The following PGAP2 variants were observed in gnomAD, a reference collection of about 807,000 sequenced individuals.
PGAP2 encodes post-GPI attachment to proteins 2.
In PGAP2, 21 loss-of-function variants were observed where a neutral mutation model predicts 33.2. The observed-to-expected ratio is 0.63, with a 90% CI of 0.45 to 0.91. PGAP2 has a LOEUF of 0.91. Ranked by LOEUF, PGAP2 falls within the 40% of genes least tolerant of loss-of-function variation. The probability of loss-of-function intolerance (pLI) is 0.00; values close to 1 mark genes in which losing one functional copy is unlikely to be tolerated. For synonymous variants in PGAP2, 161 were observed against 172.9 expected, an observed-to-expected ratio of 0.93 and a Z score of 0.54; for missense variants, 345 against 424.0, an observed-to-expected ratio of 0.81 and a Z score of 1.64.
rs1251051975 is a variant in PGAP2, at chr11:3,826,305, G to A, written c.*847G>A. The A allele has an allele frequency of 6.6e-6, 1 of 152,106 alleles. No individual in the cohort carries two copies. Among genetic ancestry groups the A allele is most frequent in the Non-Finnish European group, 1.5e-5 (1 of 68,034 alleles). 9.4% of individuals were successfully genotyped at this position (152,106 alleles called of 1,614,324 possible). A position where few individuals can be genotyped will look rare whatever the true frequency, so the allele number is the denominator to read the frequency against. On this transcript the variant is annotated 3_prime_UTR_variant, in exon 7 of 7. Transcript: ENST00000278243. ...CCTACTGCTCCAAACCCTAAATTTT[G>A]GTTGTACATTTTATTTGAAAGGAAA...
chr11:3,814,922 T>C (rs2086657135), intron 2 of PGAP2, among the ~76,000 whole-genome samples: 1 of 150,806 alleles, frequency 6.6e-6, no homozygotes, highest in African/African-American at 2.4e-5. Context: ...CCCTTTCCCT[T>C]TCCCTTTCCT....
intron 2 of PGAP2, among the ~76,000 whole-genome samples, chr11:3,812,013 G>A (rs1016512972): frequency 6.6e-6 from 1 of 152,108 alleles, no homozygotes; most frequent in African/African-American, 2.4e-5. Flanking sequence ...GTGCCTGTCT[G>A]TATGGAGATC....
exon 1 of PGAP2, chr11:3,797,961 G>C: frequency 6.5e-7 from 1 of 1,547,680 alleles, no homozygotes; most frequent in Non-Finnish European, 8.7e-7. Flanking sequence ...GCCAATCAGA[G>C]GGACGGCCCC....
At chr11:3,823,024 C>CTTTTTTTTTTTTTTTTTTTTTT (rs746736798) in intron 3 of PGAP2, 7 of 307,686 alleles carry the variant, frequency 2.3e-5, no homozygotes, top group Admixed American at 7.3e-5. Flanking sequence ...TTTTTCTTTT[C>CTTTTTTTTTTTTTTTTTTTTTT]TTTTTTTTTT....
intron 3 of PGAP2, among the ~76,000 whole-genome samples, chr11:3,822,013 G>C (rs551960551): frequency 6.6e-6 from 1 of 151,896 alleles, no homozygotes; most frequent in African/African-American, 2.4e-5. Context: ...AGCCGAGATC[G>C]GGCTATGGCA....
At chr11:3,820,285 G>A (rs760433310) in intron 3 of PGAP2, among the ~76,000 whole-genome samples, 6 of 152,184 alleles carry the variant, frequency 3.9e-5, no homozygotes, top group Non-Finnish European at 7.3e-5. Flanking sequence ...AGCTCACAGC[G>A]TTTTTGCATT....
upstream of PGAP2, chr11:3,807,962 A>G (rs1198511583): frequency 8.0e-6 from 8 of 1,004,104 alleles, no homozygotes; most frequent in Non-Finnish European, 1.3e-6. Flanking sequence ...GGGGAGACCC[A>G]AGGCTGGTGG....
chr11:3,808,603 G>T lies in PGAP2; in HGVS notation c.-59G>T. ...CCGCAGAGCCAGCCCCCGACCCCGG[G>T]CCACCTGGGCCCCCGGGTTCCGCCG... On this transcript the variant is annotated 5_prime_UTR_variant, in exon 1 of 7. Transcript: ENST00000278243. 7.5e-7 allele frequency: 1 copy of T among 1,332,446 alleles called. No individual in the cohort carries two copies. Among genetic ancestry groups the T allele is most frequent in the Non-Finnish European group, 9.6e-7 (1 of 1,041,246 alleles). 82.5% of individuals were successfully genotyped at this position (1,332,446 alleles called of 1,614,324 possible).
chr11:3,804,743 C>G (rs1013409827), upstream of PGAP2, among the ~76,000 whole-genome samples: 5 of 151,966 alleles, frequency 3.3e-5, no homozygotes, highest in East Asian at 9.7e-4. Context: ...GCTCTCTCAC[C>G]CAGGCTGGAG....
intron 1 of PGAP2, among the ~76,000 whole-genome samples, chr11:3,801,641 CAAAAAAA>C (rs772606488): frequency 1.3e-5 from 1 of 76,778 alleles, no homozygotes; most frequent in African/African-American, 5.8e-5. Flanking sequence ...GACTCCATCT[CAAAAAAA>C]AAAAAAAAAA....
chr11:3,811,110 C>T lies in PGAP2; in HGVS notation c.-10-140C>T, dbSNP rs2085466494. 1.5e-6 allele frequency: 1 copy of T among 648,214 alleles called. No homozygotes were observed. The highest frequency in any genetic ancestry group is 1.8e-5 in the African/African-American group (1 of 54,768). The allele number at this position is 648,214 out of a possible 1,614,324, so 40.2% of individuals were successfully genotyped here. On this transcript the variant is annotated intron_variant, in intron 1 of 6. Coordinates refer to ENST00000278243, the MANE Select transcript of PGAP2 (RefSeq NM_014489.4). The surrounding 1 kb of genome is among the most constrained non-coding windows in gnomAD (Gnocchi z 4.6). ...CTTCCTCATCCAGGGCAAGAGCTAT[C>T]CAAGTTTAGGTGCCTTCCTCCTCAG...
In PGAP2 at chr11:3,817,426, T is replaced by G; in HGVS notation, c.239T>G (p.Phe80Cys). 1 of 1,614,174 alleles carries G rather than the reference T, an allele frequency of 6.2e-7. No individual in the cohort carries two copies. Among genetic ancestry groups the G allele is most frequent in the Non-Finnish European group, 8.5e-7 (1 of 1,180,018 alleles). The change falls in exon 3 of 7, where the codon TTC (phenylalanine) becomes TGC (cysteine). Residue 80 changes from phenylalanine (F) to cysteine (C), a missense_variant. Coordinates refer to ENST00000278243, the MANE Select transcript of PGAP2 (RefSeq NM_014489.4). The part of the protein sequence containing the change: ...DPDGTLFRLR[F>C]TAMVWWAITF... The stretch of plus-strand genomic sequence containing the variant: ...GATGGGACCTTGTTCCGGCTTCGCT[T>G]CACAGCCATGGTCTGGTGGGCCATC...
At chr11:3,814,653 TC>T (rs1484391361) in intron 2 of PGAP2, among the ~76,000 whole-genome samples, 6 of 151,626 alleles carry the variant, frequency 4.0e-5, no homozygotes, top group Admixed American at 2.0e-4. Context: ...GCTCAAGTGA[TC>T]CTCCTGCCTC....
At chr11:3,820,392 C>A (rs1565038851) in intron 3 of PGAP2, among the ~76,000 whole-genome samples, 3 of 152,174 alleles carry the variant, frequency 2.0e-5, no homozygotes, top group Admixed American at 2.0e-4. Flanking sequence ...ATTTAGAATT[C>A]ATATGGCTTG....
chr11:3,824,956 G>A, intron 5 of PGAP2, 64 bp from the exon 6 acceptor site: 1 of 1,607,594 alleles, frequency 6.2e-7, no homozygotes, highest in Non-Finnish European at 8.5e-7. Context: ...AGTTAGGGCT[G>A]AGAGGGGAGC....
At chr11:3,824,545 T>A in intron 5 of PGAP2, 169 bp downstream of exon 5, 2 of 1,033,258 alleles carry the variant, frequency 1.9e-6, no homozygotes, top group African/African-American at 1.6e-5. Context: ...GGGTGGTTGG[T>A]CAGAATCTAG....
At chr11:3,801,986 A>G (rs2083521639) in intron 1 of PGAP2, among the ~76,000 whole-genome samples, 1 of 151,910 alleles carries the variant, frequency 6.6e-6, no homozygotes, top group Non-Finnish European at 1.5e-5. Flanking sequence ...AAAAATGTTG[A>G]GTTCCCATTC....
chr11:3,803,728 A>ATTTTTCCCACT, upstream of PGAP2, among the ~76,000 whole-genome samples: 1 of 144,834 alleles, frequency 6.9e-6, no homozygotes, highest in South Asian at 2.2e-4. Context: ...GTGCCCAGCC[A>ATTTTTCCCACT]ATACTTTGGC....
intron 1 of PGAP2, chr11:3,798,240 C>A (rs2134047599): frequency 1.2e-6 from 1 of 865,314 alleles, no homozygotes; most frequent in Non-Finnish European, 1.6e-6. Flanking sequence ...ATTAGAGATG[C>A]CCTAAGGGAC....
Sources: gnomAD v4.1 joint callset for allele counts (sites outside exome capture counted in the v4.1 genomes callset) on GRCh38, gnomAD v4.1.1 for gene constraint, Gnocchi (gnomAD v3.1) non-coding constraint, MANE v1.5 for transcripts, NCBI Gene and HGNC (gene_info 2026-07-23, HGNC 2026-07-21) for gene names.